Variants in GLIS3 observed in about 807,000 individuals in gnomAD.
The protein encoded by GLIS3 is zinc finger protein GLIS3.
A neutral mutation model predicts 78.6 loss-of-function variants in GLIS3; 53 were observed. That is an observed-to-expected ratio of 0.67 (90% CI 0.54 to 0.85). The LOEUF (loss-of-function observed/expected upper bound fraction) is 0.85. Ranked by LOEUF, GLIS3 falls within the 40% of genes least tolerant of loss-of-function variation. The pLI, the probability that GLIS3 is intolerant of heterozygous loss-of-function variation, is 0.00. For synonymous variants in GLIS3, 684 were observed against 509.9 expected (o/e 1.34, Z -4.60); for missense variants, 1,703 against 1,231.1 (o/e 1.38, Z -5.74).
intron 2 of GLIS3, among the ~76,000 whole-genome samples, chr9:4,165,094 G>A (rs1265259887): frequency 6.6e-6 from 1 of 152,148 alleles, no homozygotes; most frequent in African/African-American, 2.4e-5. Context: ...GTCCACAGAT[G>A]CAGGAGAACA....
chr9:4,235,954 A>G (rs944490718), intron 2 of GLIS3, among the ~76,000 whole-genome samples: 2 of 152,166 alleles, frequency 1.3e-5, no homozygotes, highest in African/African-American at 4.8e-5. Context: ...CTAATGAACA[A>G]AATAACTATG....
intron 4 of GLIS3, among the ~76,000 whole-genome samples, chr9:4,032,209 G>T (rs1230294890): frequency 2.6e-5 from 4 of 152,158 alleles, no homozygotes; most frequent in African/African-American, 9.7e-5. Context: ...ACACACAGGA[G>T]GAGGTTTCAA....
At chr9:4,164,688 G>A (rs1162762892) in intron 2 of GLIS3, among the ~76,000 whole-genome samples, 3 of 152,112 alleles carry the variant, frequency 2.0e-5, no homozygotes, top group Non-Finnish European at 2.9e-5. Context: ...AAATTAGATG[G>A]CAAAGAACAT....
At chr9:4,422,439 A>G in the GLIS3 span, among the ~76,000 whole-genome samples, 1 of 152,236 alleles carries the variant, frequency 6.6e-6, no homozygotes, top group African/African-American at 2.4e-5. Flanking sequence ...GATGATAAAA[A>G]GAAGACATGG....
At chr9:3,961,393 C>G (rs16920152) in intron 4 of GLIS3, among the ~76,000 whole-genome samples, 1,608 of 152,242 alleles carry the variant, frequency 0.011, 34 homozygotes, top group African/African-American at 0.037. Context: ...ATACTATTCT[C>G]CAGCTTTGAC....
rs571186161 is a variant in GLIS3 at position 4,295,338 on chromosome 9, G to C, written c.-99+4083C>G. On this transcript the variant is annotated intron_variant, in intron 1 of 10. Coordinates refer to ENST00000381971, the MANE Select transcript of GLIS3 (RefSeq NM_001042413.2). ...TGTGTCTGTTTGGTCTCCCTAACCA[G>C]ACTGTCATCAGAATATAAATATGGC... Among the ~76,000 whole-genome samples the C allele has an allele frequency of 3.3e-5, 5 of 152,302 alleles. No homozygotes were observed. In the East Asian group the frequency reaches 9.6e-4, roughly 29 times the overall value.
intron 6 of GLIS3, among the ~76,000 whole-genome samples, chr9:3,916,743 T>C (rs190637201): frequency 6.6e-6 from 1 of 152,362 alleles, no homozygotes; most frequent in Admixed American, 6.5e-5. Flanking sequence ...TGTTCACTGG[T>C]CCTTAGCCCT....
intron 2 of GLIS3, among the ~76,000 whole-genome samples, chr9:4,271,666 T>C (rs1826523924): frequency 6.6e-6 from 1 of 152,182 alleles, no homozygotes. Flanking sequence ...TTAAATCCCC[T>C]TTTACCTAAG....
intron 2 of GLIS3, among the ~76,000 whole-genome samples, chr9:4,205,811 G>A (rs1450294296): frequency 1.3e-5 from 2 of 152,236 alleles, no homozygotes; most frequent in Non-Finnish European, 2.9e-5. Flanking sequence ...AGGTTCAGCA[G>A]TGACCTCAAT....
chr9:3,932,498 CT>C, intron 5 of GLIS3, 28 bp from the exon 6 acceptor site: 1 of 1,505,822 alleles, frequency 6.6e-7, no homozygotes, highest in Non-Finnish European at 9.2e-7. Context: ...AAAGAAACAG[CT>C]GTGGTTAAAT....
chr9:3,961,756 T>C (rs917698441), intron 4 of GLIS3, among the ~76,000 whole-genome samples: 1 of 152,144 alleles, frequency 6.6e-6, no homozygotes, highest in Admixed American at 6.6e-5. Context: ...TTTCAAAAAG[T>C]TGAGGGGATC....
At chr9:4,420,452 G>C in the GLIS3 span, among the ~76,000 whole-genome samples, 17 of 152,240 alleles carry the variant, frequency 1.1e-4, no homozygotes, top group Middle Eastern at 3.4e-3. Context: ...ACCATTACTC[G>C]TAAGGTGCTG....
intron 4 of GLIS3, among the ~76,000 whole-genome samples, chr9:4,064,547 C>G (rs1045636495): frequency 6.6e-6 from 1 of 152,118 alleles, no homozygotes; most frequent in Non-Finnish European, 1.5e-5. Flanking sequence ...AAGTTCACAT[C>G]CCAAGGCCGA....
At chr9:4,146,402 G>A (rs1323678439) in intron 2 of GLIS3, among the ~76,000 whole-genome samples, 23 of 152,078 alleles carry the variant, frequency 1.5e-4, no homozygotes, top group Admixed American at 1.5e-3. Context: ...ATTAACAAGG[G>A]TAAACAACAA....
chr9:4,269,314 T>C (rs1465244673), intron 2 of GLIS3, among the ~76,000 whole-genome samples: 3 of 152,088 alleles, frequency 2.0e-5, no homozygotes, highest in African/African-American at 7.2e-5. Flanking sequence ...TATGCACAAA[T>C]CATGTGACAA....
chr9:4,413,474 G>C, the GLIS3 span, among the ~76,000 whole-genome samples: 12 of 152,092 alleles, frequency 7.9e-5, no homozygotes, highest in Admixed American at 2.6e-4. Flanking sequence ...TTTGAACTCT[G>C]GTTATTTTTC....
chr9:4,058,712 A>C (rs527727018), intron 4 of GLIS3, among the ~76,000 whole-genome samples: 44 of 152,262 alleles, frequency 2.9e-4, no homozygotes, highest in Non-Finnish European at 5.1e-4. Flanking sequence ...AGAGTGCGGT[A>C]GCTCAAGCCT....
chr9:3,855,479 G>C (rs546182298), intron 9 of GLIS3: 78 of 173,302 alleles, frequency 4.5e-4, no homozygotes, highest in Non-Finnish European at 7.5e-4. Flanking sequence ...TAAAACACAA[G>C]GTAGAGGAAG....
At chr9:4,273,888 TG>T (rs1216419921) in intron 2 of GLIS3, among the ~76,000 whole-genome samples, 1 of 152,188 alleles carries the variant, frequency 6.6e-6, no homozygotes, top group African/African-American at 2.4e-5. Context: ...TTGGCCTTCT[TG>T]TCCCATTTCG....
Sources: allele counts gnomAD v4.1 joint callset (sites outside exome capture counted in the v4.1 genomes callset), GRCh38; gene constraint gnomAD v4.1.1; transcripts MANE v1.5; gene names NCBI Gene and HGNC (gene_info 2026-07-23, HGNC 2026-07-21).